CCDC152: variants seen among roughly 807,000 people sequenced by gnomAD.
The protein encoded by CCDC152 is coiled-coil domain-containing protein 152.
CCDC152 carries 37 observed loss-of-function variants against 38.1 expected under a neutral mutation model. The observed-to-expected ratio is 0.97, with a 90% CI of 0.75 to 1.28. The LOEUF is 1.28. CCDC152 is among the 50% of genes most tolerant of loss of function. The pLI, the probability that CCDC152 is intolerant of heterozygous loss-of-function variation, is 0.00. For synonymous variants in CCDC152, 83 were observed against 87.1 expected (o/e 0.95, Z 0.26); for missense variants, 259 against 292.1 (o/e 0.89, Z 0.83).
intron 7 of CCDC152, among the ~76,000 whole-genome samples, chr5:42,797,823 T>A (rs1189836856): frequency 6.6e-6 from 1 of 152,092 alleles, no homozygotes; most frequent in Non-Finnish European, 1.5e-5. Flanking sequence ...ATAGGGCATC[T>A]CAAAGGCTGA....
intron 4 of CCDC152, among the ~76,000 whole-genome samples, chr5:42,776,933 G>A (rs1759774670): frequency 6.6e-6 from 1 of 152,022 alleles, no homozygotes; most frequent in Admixed American, 6.6e-5. Flanking sequence ...GATATTTATA[G>A]CGTTAAATGT....
At chr5:42,798,205 G>T (rs1173160898) in intron 7 of CCDC152, among the ~76,000 whole-genome samples, 1 of 152,128 alleles carries the variant, frequency 6.6e-6, no homozygotes, top group Non-Finnish European at 1.5e-5. Flanking sequence ...AATCTCAAAT[G>T]TACTTTGACA....
At position 42,762,455 on chromosome 5, in the gene CCDC152, A is replaced by G. The variant is rs929055878; in HGVS notation, c.100A>G (p.Thr34Ala). The change falls in exon 3 of 9, where the codon ACC becomes GCC. Residue 34 changes from threonine (T) to alanine (A), a missense_variant. Transcript: ENST00000361970. ...FSQIEKKMVETNGKNNILDIQ... is the reference protein window; with the variant it reads ...FSQIEKKMVEANGKNNILDIQ... The stretch of plus-strand genomic sequence containing the variant: ...ATTTCTTCTACAGAAAATGGTAGAA[A>G]CCAATGGAAAGAACAATATACTGGA... 5 of 1,494,944 alleles carry G rather than the reference A, an allele frequency of 3.3e-6. No individual in the cohort carries two copies. Among genetic ancestry groups the G allele is most frequent in the Admixed American group, 4.2e-5 (2 of 48,134 alleles). The allele number at this position is 1,494,944 out of a possible 1,614,324, so 92.6% of individuals were successfully genotyped here.
At chr5:42,769,204 T>C (rs988318840) in intron 3 of CCDC152, among the ~76,000 whole-genome samples, 1 of 151,860 alleles carries the variant, frequency 6.6e-6, no homozygotes, top group East Asian at 1.9e-4. Context: ...GCCGACATCG[T>C]GCCACTGCAC....
intron 4 of CCDC152, among the ~76,000 whole-genome samples, chr5:42,772,350 A>C (rs967619009): frequency 6.6e-6 from 1 of 152,254 alleles, no homozygotes; most frequent in South Asian, 2.1e-4. Flanking sequence ...AATCAATGGG[A>C]GAAAACAGAA....
At chr5:42,792,980 C>T (rs2111593449) in intron 6 of CCDC152, among the ~76,000 whole-genome samples, 1 of 152,306 alleles carries the variant, frequency 6.6e-6, no homozygotes, top group East Asian at 1.9e-4. Context: ...AAGCATATGT[C>T]TACCCAAAGA....
chr5:42,778,494 A>G (rs140290978), intron 4 of CCDC152, among the ~76,000 whole-genome samples: 65 of 152,288 alleles, frequency 4.3e-4, no homozygotes, highest in Admixed American at 2.0e-4. Flanking sequence ...ACCGACCTGG[A>G]TGTTTAGTAA....
At chr5:42,769,957 C>A (rs1778462081) in intron 4 of CCDC152, among the ~76,000 whole-genome samples, 1 of 152,170 alleles carries the variant, frequency 6.6e-6, no homozygotes, top group African/African-American at 2.4e-5. Context: ...CATTCTTGGT[C>A]TTTAATAATC....
At chr5:42,787,801 G>A (rs1234346869) in intron 6 of CCDC152, among the ~76,000 whole-genome samples, 2 of 152,016 alleles carry the variant, frequency 1.3e-5, no homozygotes, top group African/African-American at 4.8e-5. Context: ...TATTTGCATG[G>A]TAGATCTTTC....
intron 4 of CCDC152, among the ~76,000 whole-genome samples, chr5:42,777,609 TA>T (rs773805872): frequency 1.8e-4 from 27 of 152,194 alleles, no homozygotes; most frequent in East Asian, 1.2e-3. Context: ...TCATCAGAAT[TA>T]AGATTTGTAT....
chr5:42,801,365 C>G lies in CCDC152; in HGVS notation c.*1584C>G. Reference sequence around the variant, plus strand: ...AATTTATAAATCACTTTTTAACAAGCTTATAGAGATAGGAATAATGCGTGA... The same window carrying G: ...AATTTATAAATCACTTTTTAACAAGGTTATAGAGATAGGAATAATGCGTGA... On this transcript the variant is annotated 3_prime_UTR_variant, in exon 9 of 9. Coordinates refer to ENST00000361970, the MANE Select transcript of CCDC152 (RefSeq NM_001134848.2). 6.7e-7 allele frequency: 1 copy of G among 1,484,314 alleles called. No individual in the cohort carries two copies. Among genetic ancestry groups the G allele is most frequent in the Non-Finnish European group, 9.1e-7 (1 of 1,095,528 alleles). The allele number at this position is 1,484,314 out of a possible 1,614,324, so 91.9% of individuals were successfully genotyped here. A position where few individuals can be genotyped will look rare whatever the true frequency, so the allele number is the denominator to read the frequency against.
intron 3 of CCDC152, 104 bp downstream of exon 3, chr5:42,762,652 C>A: frequency 1.4e-6 from 1 of 694,284 alleles, no homozygotes; most frequent in South Asian, 1.7e-5. Context: ...TTTAAGTCCA[C>A]ATAGAATTTT....
chr5:42,764,212 C>T (rs1759595315), intron 3 of CCDC152, among the ~76,000 whole-genome samples: 1 of 152,058 alleles, frequency 6.6e-6, no homozygotes, highest in African/African-American at 2.4e-5. Flanking sequence ...GAGTTCAAGA[C>T]CAGACTGGCC....
At chr5:42,765,583 A>G (rs918528603) in intron 3 of CCDC152, among the ~76,000 whole-genome samples, 7 of 152,188 alleles carry the variant, frequency 4.6e-5, no homozygotes, top group Non-Finnish European at 7.3e-5. Flanking sequence ...CCAATGTAAT[A>G]GAATAGAGAA....
chr5:42,781,390 A>G (rs899543599), intron 5 of CCDC152, among the ~76,000 whole-genome samples: 1 of 152,164 alleles, frequency 6.6e-6, no homozygotes, highest in Non-Finnish European at 1.5e-5. Context: ...AGGAATCCAG[A>G]CAAAATCTCT....
In CCDC152 at chr5:42,796,861, A is replaced by G; in HGVS notation, c.463A>G (p.Ile155Val). ...ELNEEKHKEL[I>V]EKKEMEISEL... Reference sequence around the variant, plus strand: ...AAATGAAGAAAAGCACAAAGAACTAATAGAGAAAAAGGAGATGGAAATTTC... The same window carrying G: ...AAATGAAGAAAAGCACAAAGAACTAGTAGAGAAAAAGGAGATGGAAATTTC... Residue 155 changes from isoleucine to valine, a missense_variant, in exon 7 of 9, where the codon ATA (isoleucine) becomes GTA (valine). Ile to Val is a conservative substitution (Grantham distance 29, BLOSUM62 3). Coordinates refer to ENST00000361970, the MANE Select transcript of CCDC152 (RefSeq NM_001134848.2). The G allele has an allele frequency of 6.6e-7, 1 of 1,518,234 alleles. No individual in the cohort carries two copies. Among genetic ancestry groups the G allele is most frequent in the African/African-American group, 1.4e-5 (1 of 71,022 alleles). The allele number at this position is 1,518,234 out of a possible 1,614,324, so 94.0% of individuals were successfully genotyped here.
At chr5:42,787,937 A>G (rs1435027381) in intron 6 of CCDC152, among the ~76,000 whole-genome samples, 1 of 152,134 alleles carries the variant, frequency 6.6e-6, no homozygotes, top group African/African-American at 2.4e-5. Flanking sequence ...TGGAACATTT[A>G]GGCTGTTTAT....
rs778055332 is a variant in CCDC152, at chr5:42,800,830, G to A, written c.*1049G>A. The A allele has an allele frequency of 2.4e-5, 38 of 1,614,074 alleles. No homozygotes were observed. The Admixed American group carries it at 5.3e-4, about 23-fold the overall frequency. ...ATTTGTCAGGCAGCTGGAGGCAAAC[G>A]TCACTGACAAGATTCAGTTATGTTC... On this transcript the variant is annotated 3_prime_UTR_variant, in exon 9 of 9. Transcript: ENST00000361970.
intron 2 of CCDC152, among the ~76,000 whole-genome samples, chr5:42,759,744 T>G (rs191863396): frequency 7.2e-5 from 11 of 152,264 alleles, no homozygotes; most frequent in Admixed American, 6.5e-4. Flanking sequence ...ATCAGAAGGG[T>G]GAGTACAGTA....
Sources: allele counts gnomAD v4.1 joint callset (sites outside exome capture counted in the v4.1 genomes callset), GRCh38; gene constraint gnomAD v4.1.1; transcripts MANE v1.5; gene names NCBI Gene and HGNC (gene_info 2026-07-23, HGNC 2026-07-21).